CFAP251: variants seen among roughly 807,000 people sequenced by gnomAD.
CFAP251 encodes cilia and flagella associated protein 251.
In CFAP251, 93 loss-of-function variants were observed where a neutral mutation model predicts 126.7. The ratio of observed to expected loss-of-function variants is 0.73; its 90% confidence interval spans 0.62 to 0.87. The LOEUF (loss-of-function observed/expected upper bound fraction) is 0.87. Ranked by LOEUF, CFAP251 falls within the 40% of genes least tolerant of loss-of-function variation. CFAP251 has a pLI of 0.00. For missense variants in CFAP251, 1,287 were observed against 1,389.2 expected, an observed-to-expected ratio of 0.93 and a Z score of 1.17; for synonymous variants, 503 against 506.9, an observed-to-expected ratio of 0.99 and a Z score of 0.10.
chr12:121,939,652 A>G (rs1223488274), intron 5 of CFAP251, among the ~76,000 whole-genome samples: 1 of 152,130 alleles, frequency 6.6e-6, no homozygotes, highest in Non-Finnish European at 1.5e-5. Flanking sequence ...TGCAAATGCT[A>G]TGTTAATATG....
intron 17 of CFAP251, chr12:121,970,114 C>T (rs773562596): frequency 5.8e-5 from 20 of 344,080 alleles, no homozygotes; most frequent in Non-Finnish European, 7.8e-5. Flanking sequence ...CCCTCACATT[C>T]GATCATTTCA....
At chr12:121,956,141 G>A (rs374243043) in intron 10 of CFAP251, among the ~76,000 whole-genome samples, 9 of 152,182 alleles carry the variant, frequency 5.9e-5, no homozygotes, top group East Asian at 3.8e-4. Flanking sequence ...ATTTTGTCAC[G>A]TGGCACTGCC....
At chr12:121,969,935 C>CA in intron 17 of CFAP251, 1 of 985,426 alleles carries the variant, frequency 1.0e-6, no homozygotes, top group Non-Finnish European at 1.2e-6. Flanking sequence ...GTGGTGGGGA[C>CA]AAAGGATCAT....
chr12:121,921,451 A>G lies in CFAP251; in HGVS notation c.146A>G (p.Glu49Gly). 2 of 1,613,864 alleles carry G rather than the reference A, an allele frequency of 1.2e-6. No individual in the cohort carries two copies. Among genetic ancestry groups the G allele is most frequent in the Non-Finnish European group, 1.7e-6 (2 of 1,179,884 alleles). Reference protein sequence around the residue: ...ESKDDTIAWRESQEEERKTGE... With the variant: ...ESKDDTIAWRGSQEEERKTGE... ...AAAGATGACACAATAGCATGGAGAG[A>G]GTCTCAGGAGGAGGAGAGGAAAACG... is the stretch of plus-strand genomic sequence containing the variant. The change falls in exon 2 of 22, where the codon GAG becomes GGG. Residue 49 changes from glutamate to glycine, a missense_variant. By Grantham distance (98) the Glu-to-Gly change is moderately conservative. Transcript: ENST00000288912.
intron 10 of CFAP251, 140 bp downstream of exon 10, chr12:121,954,474 G>C: frequency 1.4e-6 from 1 of 724,420 alleles, no homozygotes; most frequent in Non-Finnish European, 2.2e-6. Flanking sequence ...CATGAGGCCA[G>C]AAGTTCAAGA....
At chr12:121,924,122 T>C in intron 3 of CFAP251, 132 bp downstream of exon 3, 6 of 1,209,776 alleles carry the variant, frequency 5.0e-6, no homozygotes, top group Non-Finnish European at 5.6e-6. Flanking sequence ...ACTTGTGTTT[T>C]TTTTTTTAAG....
In CFAP251 at chr12:122,003,868, C is replaced by G; in HGVS notation, c.*104C>G. 2 of 797,508 alleles carry G rather than the reference C, an allele frequency of 2.5e-6. No individual in the cohort carries two copies. Among genetic ancestry groups the G allele is most frequent in the Non-Finnish European group, 1.9e-6 (1 of 530,386 alleles). The allele number at this position is 797,508 out of a possible 1,614,324, so 49.4% of individuals were successfully genotyped here. On this transcript the variant is annotated 3_prime_UTR_variant, in exon 22 of 22. Transcript: ENST00000288912. ...CTTTTTATGCATTTCCCTCCCCCCTCTCATCTTTAGAACATTTAGACATTA... is the reference window on the plus strand; with the variant it reads ...CTTTTTATGCATTTCCCTCCCCCCTGTCATCTTTAGAACATTTAGACATTA...
chr12:121,977,681 T>C lies in CFAP251; in HGVS notation c.3006+1996T>C, dbSNP rs534275859. Among the ~76,000 whole-genome samples, 84 of 144,652 alleles carry C rather than the reference T, an allele frequency of 5.8e-4. 1 individual carries two copies. The highest frequency in any genetic ancestry group is 1.3e-3 in the South Asian group (6 of 4,556). 94.9% of individuals were successfully genotyped at this position (144,652 alleles called of 152,430 possible). A position where few individuals can be genotyped will look rare whatever the true frequency, so the allele number is the denominator to read the frequency against. ...CTCAAAAAATAAAAAACTGGCCGGG[T>C]GTGGTGGCTCAGACCTGTAATCCCA... On this transcript the variant is annotated intron_variant, in intron 19 of 21. Coordinates refer to ENST00000288912, the MANE Select transcript of CFAP251 (RefSeq NM_144668.6).
chr12:121,992,975 C>G lies in CFAP251; in HGVS notation c.3007-6741C>G, dbSNP rs61952869. ...CCTCTCCCTCTCCCACTCCCTCTCC[C>G]TCTCCGTCTCCCTCTCCCTCTCCCT... On this transcript the variant is annotated intron_variant, in intron 19 of 21. Transcript: ENST00000288912. Among the ~76,000 whole-genome samples, 241 of 121,056 alleles carry G rather than the reference C, an allele frequency of 2.0e-3. No homozygotes were observed. In the Middle Eastern group the frequency reaches 0.022, roughly 11 times the overall value. 79.4% of individuals were successfully genotyped at this position (121,056 alleles called of 152,430 possible).
intron 5 of CFAP251, among the ~76,000 whole-genome samples, chr12:121,942,236 A>G (rs1050293703): frequency 6.6e-6 from 1 of 151,934 alleles, no homozygotes; most frequent in African/African-American, 2.4e-5. Flanking sequence ...GACACCCTGC[A>G]TCCATTATCT....
chr12:121,937,681 G>A (rs1214764633), intron 5 of CFAP251, among the ~76,000 whole-genome samples: 1 of 152,164 alleles, frequency 6.6e-6, no homozygotes, highest in African/African-American at 2.4e-5. Context: ...TGCACGAGGA[G>A]GTTAGGAAGA....
chr12:121,939,558 T>C (rs1473457284), intron 5 of CFAP251, among the ~76,000 whole-genome samples: 1 of 150,822 alleles, frequency 6.6e-6, no homozygotes, highest in Non-Finnish European at 1.5e-5. Flanking sequence ...TTTGTGAAAC[T>C]CTCTCTCTAC....
chr12:121,920,245 T>G (rs1256333622), intron 1 of CFAP251, among the ~76,000 whole-genome samples: 42 of 66,722 alleles, frequency 6.3e-4, no homozygotes, highest in African/African-American at 2.5e-3. Context: ...TTTTTTTTTT[T>G]GAGAGAGGGT....
intron 4 of CFAP251, chr12:121,933,165 T>A (rs1451595058): frequency 2.0e-5 from 3 of 152,192 alleles, no homozygotes; most frequent in Non-Finnish European, 4.4e-5. Context: ...TTGTAACCAG[T>A]GCTTGAAAGG....
At chr12:121,949,232 A>G in intron 8 of CFAP251, 171 bp downstream of exon 8, 1 of 363,352 alleles carries the variant, frequency 2.8e-6, no homozygotes, top group East Asian at 4.2e-5. Context: ...AGAAATTAGC[A>G]TATTAAATCA....
At chr12:121,945,206 C>T (rs528479503) in intron 7 of CFAP251, among the ~76,000 whole-genome samples, 1 of 152,132 alleles carries the variant, frequency 6.6e-6, no homozygotes, top group South Asian at 2.1e-4. Context: ...CATCCTAGTC[C>T]AGGCCACAGT....
chr12:121,995,055 A>G (rs1209695198), intron 19 of CFAP251, among the ~76,000 whole-genome samples: 2 of 152,246 alleles, frequency 1.3e-5, no homozygotes, highest in Non-Finnish European at 2.9e-5. Flanking sequence ...TTACGTACAT[A>G]GTCTCAATAA....
At chr12:121,967,938 G>A (rs980094300) in intron 16 of CFAP251, 68 bp from the exon 17 acceptor site, 48 of 1,425,448 alleles carry the variant, frequency 3.4e-5, no homozygotes, top group Non-Finnish European at 4.2e-5. Flanking sequence ...GGTGACATGT[G>A]AACGTGCCAG....
intron 5 of CFAP251, among the ~76,000 whole-genome samples, chr12:121,936,607 C>G (rs35252940): frequency 0.25 from 37,720 of 151,878 alleles, 5,949 homozygotes; most frequent in East Asian, 0.51. Context: ...AAGCAGGAGG[C>G]AGTCTTATCT....
Sources: gnomAD v4.1 joint callset for allele counts (sites outside exome capture counted in the v4.1 genomes callset) on GRCh38, gnomAD v4.1.1 for gene constraint, MANE v1.5 for transcripts, NCBI Gene and HGNC (gene_info 2026-07-23, HGNC 2026-07-21) for gene names.